Variants in KCNN1 observed in about 807,000 individuals in gnomAD.
KCNN1 encodes potassium calcium-activated channel subfamily N member 1.
Under a neutral mutation model 44.7 loss-of-function variants are expected in KCNN1, and 20 were observed. The ratio of observed to expected loss-of-function variants is 0.45; its 90% CI spans 0.32 to 0.65. The LOEUF (loss-of-function observed/expected upper bound fraction) is 0.65, where lower values mean the gene tolerates loss of function less well. Among genes scored for constraint, KCNN1 ranks in the 30% least tolerant of loss-of-function variants. KCNN1 has a pLI of 0.05. For missense variants in KCNN1, 632 were observed against 785.3 expected, an observed-to-expected ratio of 0.80 and a Z score of 2.33; for synonymous variants, 324 against 341.7, an observed-to-expected ratio of 0.95 and a Z score of 0.57.
Position 17,998,393 on chromosome 19 carries a change from C to A in KCNN1, c.1619C>A (p.Ser540Ter). The A allele has an allele frequency of 1.3e-6, 2 of 1,483,208 alleles. No homozygotes were observed. The highest frequency in any genetic ancestry group is 1.4e-5 in the African/African-American group (1 of 71,664). 91.9% of individuals were successfully genotyped at this position (1,483,208 alleles called of 1,614,324 possible). A position where few individuals can be genotyped will look rare whatever the true frequency, so the allele number is the denominator to read the frequency against. ...TGCCGGTGGACGCCCGTGGCCCCCTCGGACTGCGGGTGACGGCCCTGCCCG... is the reference window on the plus strand; with the variant it reads ...TGCCGGTGGACGCCCGTGGCCCCCTAGGACTGCGGGTGACGGCCCTGCCCG... ...SPCRWTPVAP[S>*]DCG The change falls in exon 10 of 10, where the codon TCG becomes TAG. Residue 540 changes from serine to a stop codon, truncating the protein, a stop_gained. Coordinates refer to ENST00000684775, the MANE Select transcript of KCNN1 (RefSeq NM_001386974.1). LOFTEE classifies it high-confidence loss of function. This position sits in a 1 kb window ranked among gnomAD's most constrained non-coding sequence, Gnocchi z 5.4.
Position 17,991,394 on chromosome 19 carries a change from C to T in KCNN1, c.1298+1551C>T, listed in dbSNP as rs529919698. 2.6e-5 allele frequency among the ~76,000 whole-genome samples: 4 copies of T among 152,096 alleles called. 1 individual carries two copies. Among genetic ancestry groups the T allele is most frequent in the African/African-American group, 7.2e-5 (3 of 41,502 alleles). On this transcript the variant is annotated intron_variant, in intron 7 of 9. Transcript: ENST00000684775. ...TGAGCCCAGAAGGTCAAGGTTGCAG[C>T]GAGCTGTGATTGCGCCACTGCACTC...
At chr19:17,996,863 C>A (rs1165272806) in intron 9 of KCNN1, among the ~76,000 whole-genome samples, 17 of 152,184 alleles carry the variant, frequency 1.1e-4, no homozygotes, top group Admixed American at 1.1e-3. Flanking sequence ...GAGGAAGAGG[C>A]TGGGTGTGAG....
rs535265444 is a variant in KCNN1 at position 17,957,583 on chromosome 19, T to C, written c.-82+2902T>C. Among the ~76,000 whole-genome samples the C allele has an allele frequency of 4.1e-4, 62 of 151,748 alleles. 2 individuals carry two copies. The South Asian group carries it at 0.013, about 31-fold the overall frequency. The stretch of plus-strand genomic sequence containing the variant: ...GCAGAGGGAACCACATGTGCAAAGG[T>C]CCTGAGGTGGGAATGAGCTTGGCGT... On this transcript the variant is annotated intron_variant, in intron 2 of 10. Transcript: ENST00000222249.
upstream of KCNN1, among the ~76,000 whole-genome samples, chr19:17,966,156 G>A (rs1323604923): frequency 2.6e-5 from 4 of 152,132 alleles, no homozygotes; most frequent in African/African-American, 9.7e-5. Context: ...ACACTCAGAT[G>A]TTCCTGACCT....
chr19:17,982,134 C>T lies in KCNN1; in HGVS notation c.917+7C>T. On this transcript the variant is annotated splice_region_variant and intron_variant, in intron 4 of 9. Coordinates refer to ENST00000684775, the MANE Select transcript of KCNN1 (RefSeq NM_001386974.1). ...CCGTGCGCGTCTGCGAGAGGTGCGACCGCCGCCCCTGGAGCCCCCCCAGCC... is the reference window on the plus strand; with the variant it reads ...CCGTGCGCGTCTGCGAGAGGTGCGATCGCCGCCCCTGGAGCCCCCCCAGCC... 2 of 1,522,138 alleles carry T rather than the reference C, an allele frequency of 1.3e-6. No individual in the cohort carries two copies. The highest frequency in any genetic ancestry group is 1.2e-5 in the South Asian group (1 of 80,028). The allele number at this position is 1,522,138 out of a possible 1,614,324, so 94.3% of individuals were successfully genotyped here. A position where few individuals can be genotyped will look rare whatever the true frequency, so the allele number is the denominator to read the frequency against.
upstream of KCNN1, among the ~76,000 whole-genome samples, chr19:17,965,633 G>A (rs2031783610): frequency 6.6e-6 from 1 of 152,080 alleles, no homozygotes; most frequent in Admixed American, 6.6e-5. Context: ...TGGTTCTCAG[G>A]TGTGGCTGAA....
chr19:17,958,438 A>G (rs966761154), intron 2 of KCNN1, among the ~76,000 whole-genome samples: 2 of 148,560 alleles, frequency 1.3e-5, no homozygotes, highest in African/African-American at 5.0e-5. Context: ...TGACTGCACC[A>G]CTGCACTCCA....
At chr19:17,966,010 TGCCTG>T (rs2031794270), upstream of KCNN1, among the ~76,000 whole-genome samples, 1 of 116,942 alleles carries the variant, frequency 8.6e-6, no homozygotes, top group African/African-American at 3.5e-5. Context: ...CCTGCCTGCC[TGCCTG>T]CCTGCCTGCC....
At chr19:17,975,723 TTTG>T (rs1367581687) in intron 3 of KCNN1, among the ~76,000 whole-genome samples, 2 of 151,010 alleles carry the variant, frequency 1.3e-5, no homozygotes, top group African/African-American at 2.4e-5. Flanking sequence ...TCCTGGCCTA[TTTG>T]TTTAGTTTTT....
chr19:17,988,981 C>T (rs1406773411), intron 6 of KCNN1, among the ~76,000 whole-genome samples: 2 of 151,952 alleles, frequency 1.3e-5, no homozygotes, highest in Non-Finnish European at 2.9e-5. Flanking sequence ...CACAGAGAGA[C>T]ATCGTGGCAT....
chr19:17,993,200 A>G lies in KCNN1; in HGVS notation c.1307+138A>G. Reference sequence around the variant, plus strand: ...TCACATCTGCCCCATGGATCCGTGCAGGCTTCACCTTGGTCTGGGATCCAA... The same window carrying G: ...TCACATCTGCCCCATGGATCCGTGCGGGCTTCACCTTGGTCTGGGATCCAA... On this transcript the variant is annotated intron_variant, in intron 8 of 9. Coordinates refer to ENST00000684775, the MANE Select transcript of KCNN1 (RefSeq NM_001386974.1). The surrounding 1 kb of genome is among the most constrained non-coding windows in gnomAD (Gnocchi z 4.5). The G allele has an allele frequency of 2.8e-6, 3 of 1,074,632 alleles. No homozygotes were observed. The highest frequency in any genetic ancestry group is 1.4e-5 in the South Asian group (1 of 71,732). The allele number at this position is 1,074,632 out of a possible 1,614,324, so 66.6% of individuals were successfully genotyped here. A position where few individuals can be genotyped will look rare whatever the true frequency, so the allele number is the denominator to read the frequency against.
intron 2 of KCNN1, among the ~76,000 whole-genome samples, chr19:17,959,277 G>C (rs2145902420): frequency 6.6e-6 from 1 of 151,036 alleles, no homozygotes; most frequent in East Asian, 1.9e-4. Context: ...TGTTTTTTTT[G>C]AGACAGAGTC....
At chr19:17,992,839 G>A (rs2032842335) in intron 7 of KCNN1, among the ~76,000 whole-genome samples, 1 of 152,176 alleles carries the variant, frequency 6.6e-6, no homozygotes, top group Admixed American at 6.5e-5. Context: ...CGGTGGTGGT[G>A]AGAGGACAGG....
At chr19:17,961,895 A>C (rs532553434) in intron 2 of KCNN1, among the ~76,000 whole-genome samples, 68 of 151,664 alleles carry the variant, frequency 4.5e-4, no homozygotes, top group Admixed American at 4.1e-3. Flanking sequence ...GGCCAAAAAA[A>C]CCCCTATTTT....
chr19:17,967,341 T>C (rs2031849185), intron 1 of KCNN1, 24 bp downstream of exon 1: 7 of 981,358 alleles, frequency 7.1e-6, no homozygotes, highest in African/African-American at 1.8e-5. Context: ...TGGGTGAGGG[T>C]GCGGGAGGAT....
chr19:17,975,037 G>T, intron 2 of KCNN1, 55 bp from the exon 3 acceptor site: 1 of 1,441,348 alleles, frequency 6.9e-7, no homozygotes, highest in African/African-American at 1.4e-5. Context: ...GGATGGGAGG[G>T]CCGCCGGCCC....
At chr19:17,989,935 G>C in intron 7 of KCNN1, 92 bp downstream of exon 7, 1 of 1,588,018 alleles carries the variant, frequency 6.3e-7, no homozygotes, top group South Asian at 1.1e-5. Context: ...ACGGCTCCCT[G>C]CCAGGGACGG....
chr19:17,974,112 A>G lies in KCNN1; in HGVS notation c.224A>G (p.Asp75Gly), dbSNP rs762615370. 3.1e-6 allele frequency: 5 copies of G among 1,612,582 alleles called. No individual in the cohort carries two copies. The Admixed American group carries it at 8.3e-5, about 27-fold the overall frequency. Residue 75 changes from aspartate (D) to glycine (G), a missense_variant, in exon 2 of 10, where the codon GAT (aspartate) becomes GGT (glycine). Physicochemically the swap from Asp to Gly is moderately conservative, Grantham distance 94. Coordinates refer to ENST00000684775, the MANE Select transcript of KCNN1 (RefSeq NM_001386974.1). This position sits in a 1 kb window ranked among gnomAD's most constrained non-coding sequence, Gnocchi z 7.3. ...DQDDDEDDEEDEAGRQRASGK... is the reference protein window; with the variant it reads ...DQDDDEDDEEGEAGRQRASGK... Reference sequence around the variant, plus strand: ...GACGATGACGAGGATGATGAGGAAGATGAGGCCGGCAGGCAGAGAGCCTCG... The same window carrying G: ...GACGATGACGAGGATGATGAGGAAGGTGAGGCCGGCAGGCAGAGAGCCTCG...
chr19:17,966,138 A>G (rs922097715), upstream of KCNN1, among the ~76,000 whole-genome samples: 1 of 151,958 alleles, frequency 6.6e-6, no homozygotes, highest in Non-Finnish European at 1.5e-5. Flanking sequence ...AGCCTCCCTC[A>G]GGAATAAACA....
Sources: gnomAD v4.1 joint callset for allele counts (sites outside exome capture counted in the v4.1 genomes callset) on GRCh38, gnomAD v4.1.1 for gene constraint, Gnocchi (gnomAD v3.1) non-coding constraint, MANE v1.5 for transcripts, NCBI Gene and HGNC (gene_info 2026-07-23, HGNC 2026-07-21) for gene names.